SNTB1: variants seen among roughly 807,000 people sequenced by gnomAD.
SNTB1 encodes the protein syntrophin beta 1, also known as beta-1-syntrophin.
Under a neutral mutation model 48.9 loss-of-function variants are expected in SNTB1, and 36 were observed. The observed-to-expected ratio is 0.74, with a 90% CI of 0.56 to 0.97. SNTB1 has a LOEUF of 0.97. SNTB1 is among the 50% of genes least tolerant of loss of function. The pLI, the probability that SNTB1 is intolerant of heterozygous loss-of-function variation, is 0.00. For missense variants in SNTB1, 786 were observed against 703.4 expected, an observed-to-expected ratio of 1.12 and a Z score of -1.33; for synonymous variants, 299 against 294.6, an observed-to-expected ratio of 1.01 and a Z score of -0.15.
At chr8:120,789,333 T>G (rs1172089226) in intron 1 of SNTB1, among the ~76,000 whole-genome samples, 1 of 145,500 alleles carries the variant, frequency 6.9e-6, no homozygotes, top group Non-Finnish European at 1.5e-5. Flanking sequence ...CTCAAGGAAG[T>G]AGAAAAAAAA....
rs917513678 is a variant in SNTB1, at chr8:120,750,160, C to T, written c.572-56252G>A. On this transcript the variant is annotated intron_variant, in intron 1 of 6. Transcript: ENST00000517992. ...CTTCCCTACGTCCCTCCTTCCCTCC[C>T]TCCCTTCCTTCCTTCATTCATTCCT... Among the ~76,000 whole-genome samples, 112 of 151,426 alleles carry T rather than the reference C, an allele frequency of 7.4e-4. 1 individual carries two copies. The highest frequency in any genetic ancestry group is 2.6e-3 in the African/African-American group (109 of 41,278).
chr8:120,811,588 C>A lies in SNTB1; in HGVS notation c.256G>T (p.Asp86Tyr). ...HPGAGGAQPPDSPAGVRTAFT... is the reference protein window; with the variant it reads ...HPGAGGAQPPYSPAGVRTAFT... Reference sequence around the variant, plus strand: ...GCGGTGCGGACCCCGGCGGGCGAGTCCGGGGGCTGCGCGCCGCCCGCGCCC... The same window carrying A: ...GCGGTGCGGACCCCGGCGGGCGAGTACGGGGGCTGCGCGCCGCCCGCGCCC... Residue 86 changes from aspartate (D) to tyrosine (Y), a missense_variant, in exon 1 of 7, where the codon GAC becomes TAC. Coordinates refer to ENST00000517992, the MANE Select transcript of SNTB1 (RefSeq NM_021021.4). The A allele has an allele frequency of 6.4e-7, 1 of 1,563,682 alleles. No individual in the cohort carries two copies. Among genetic ancestry groups the A allele is most frequent in the East Asian group, 2.4e-5 (1 of 41,808 alleles).
intron 2 of SNTB1, among the ~76,000 whole-genome samples, chr8:120,671,920 A>G (rs1015357703): frequency 1.3e-5 from 2 of 152,214 alleles, no homozygotes; most frequent in African/African-American, 2.4e-5. Context: ...AAGTGCATGT[A>G]CAGATGGTCC....
intron 1 of SNTB1, among the ~76,000 whole-genome samples, chr8:120,753,461 G>C (rs4871124): frequency 0.13 from 19,629 of 151,978 alleles, 1,650 homozygotes; most frequent in African/African-American, 0.23. Context: ...AAAAATCTAC[G>C]CTAAATCCTC....
intron 1 of SNTB1, among the ~76,000 whole-genome samples, chr8:120,797,546 C>CTTTTTTTTTTTTTTTTTTT (rs60374035): frequency 8.7e-5 from 6 of 69,110 alleles, no homozygotes; most frequent in African/African-American, 1.1e-4. Flanking sequence ...ACTTGTTTCT[C>CTTTTTTTTTTTTTTTTTTT]TTTTTTTTTT....
intron 2 of SNTB1, among the ~76,000 whole-genome samples, chr8:120,641,823 C>A (rs1271789125): frequency 6.6e-6 from 1 of 152,184 alleles, no homozygotes; most frequent in Non-Finnish European, 1.5e-5. Flanking sequence ...AATCACTATT[C>A]AAATTTCTAA....
At chr8:120,542,027 GA>G (rs756678231) in intron 5 of SNTB1, 27 bp from the exon 6 acceptor site, 1 of 1,595,352 alleles carries the variant, frequency 6.3e-7, no homozygotes, top group South Asian at 1.1e-5. Flanking sequence ...GAGAAAAAGA[GA>G]CAAGTATGAA....
At chr8:120,804,384 C>A (rs1330777925) in intron 1 of SNTB1, among the ~76,000 whole-genome samples, 1 of 152,126 alleles carries the variant, frequency 6.6e-6, no homozygotes, top group African/African-American at 2.4e-5. Context: ...TCAAGTACTT[C>A]ATAATCAGCC....
At chr8:120,598,145 C>T (rs865883236) in intron 3 of SNTB1, among the ~76,000 whole-genome samples, 1 of 150,410 alleles carries the variant, frequency 6.6e-6, no homozygotes, top group African/African-American at 2.5e-5. Flanking sequence ...TCACACATCC[C>T]TTTCCATTCC....
At chr8:120,724,964 C>A (rs988895037) in intron 1 of SNTB1, among the ~76,000 whole-genome samples, 1 of 152,196 alleles carries the variant, frequency 6.6e-6, no homozygotes, top group African/African-American at 2.4e-5. Flanking sequence ...ATGGCCCATG[C>A]CTTTGACCAC....
intron 1 of SNTB1, among the ~76,000 whole-genome samples, chr8:120,788,391 T>C (rs1326438639): frequency 6.6e-6 from 1 of 152,092 alleles, no homozygotes; most frequent in East Asian, 1.9e-4. Context: ...CATCTTCATA[T>C]TAATGTTGAA....
intron 3 of SNTB1, among the ~76,000 whole-genome samples, chr8:120,595,967 T>C (rs1451124648): frequency 1.3e-5 from 2 of 152,206 alleles, no homozygotes; most frequent in Non-Finnish European, 2.9e-5. Context: ...GGGACCCCTT[T>C]CCTGTAATGG....
chr8:120,537,492 C>T lies in SNTB1; in HGVS notation c.*1385G>A, dbSNP rs190371907. 30 of 152,244 alleles carry T rather than the reference C, an allele frequency of 2.0e-4. No individual in the cohort carries two copies. Among genetic ancestry groups the T allele is most frequent in the African/African-American group, 6.7e-4 (28 of 41,556 alleles). 9.4% of individuals were successfully genotyped at this position (152,244 alleles called of 1,614,324 possible). A position where few individuals can be genotyped will look rare whatever the true frequency, so the allele number is the denominator to read the frequency against. ...TGTCTGAGTGAGAAAAATTGTGTTC[C>T]TTTAACACGGTTTCACTTTTTGAAG... On this transcript the variant is annotated 3_prime_UTR_variant, in exon 7 of 7. Coordinates refer to ENST00000517992, the MANE Select transcript of SNTB1 (RefSeq NM_021021.4).
chr8:120,720,623 AGTGCTAT>A (rs1022762594), intron 1 of SNTB1, among the ~76,000 whole-genome samples: 6 of 152,250 alleles, frequency 3.9e-5, no homozygotes, highest in African/African-American at 1.4e-4. Context: ...GCTTCACATA[AGTGCTAT>A]GAAGAGCATT....
rs1187456301 is a variant in SNTB1, at chr8:120,590,225, G to T, written c.997-15000C>A. Reference sequence around the variant, plus strand: ...AGAAAAGTAGCTGTGAAAATGTGGGGCGACATGCTTTGTTCCTCTCTCTCA... The same window carrying T: ...AGAAAAGTAGCTGTGAAAATGTGGGTCGACATGCTTTGTTCCTCTCTCTCA... On this transcript the variant is annotated intron_variant, in intron 3 of 6. Transcript: ENST00000517992. Among the ~76,000 whole-genome samples the T allele has an allele frequency of 2.6e-5, 4 of 152,162 alleles. No homozygotes were observed. The East Asian group carries it at 7.7e-4, about 29-fold the overall frequency.
intron 2 of SNTB1, among the ~76,000 whole-genome samples, chr8:120,665,608 AG>A (rs1168077391): frequency 1.3e-5 from 2 of 152,080 alleles, no homozygotes; most frequent in East Asian, 3.9e-4. Context: ...TTTTTGCTTT[AG>A]TTATTGTGTT....
intron 1 of SNTB1, among the ~76,000 whole-genome samples, chr8:120,707,494 C>G (rs998450660): frequency 6.6e-6 from 1 of 152,128 alleles, no homozygotes; most frequent in African/African-American, 2.4e-5. Context: ...AGAATAAAAC[C>G]TCACAAGATT....
intron 1 of SNTB1, among the ~76,000 whole-genome samples, chr8:120,747,094 A>C (rs558016522): frequency 2.0e-5 from 3 of 152,298 alleles, no homozygotes; most frequent in Non-Finnish European, 2.9e-5. Flanking sequence ...AAGGCAGGTT[A>C]AAATACAGAA....
intron 3 of SNTB1, among the ~76,000 whole-genome samples, chr8:120,597,512 G>C (rs1447646634): frequency 6.6e-6 from 1 of 152,224 alleles, no homozygotes; most frequent in Non-Finnish European, 1.5e-5. Context: ...ATTTTCATAG[G>C]ACAGCAGTTT....
Sources: allele counts gnomAD v4.1 joint callset (sites outside exome capture counted in the v4.1 genomes callset), GRCh38; gene constraint gnomAD v4.1.1; transcripts MANE v1.5; gene names NCBI Gene and HGNC (gene_info 2026-07-23, HGNC 2026-07-21).